The following IGFN1 variants were observed in gnomAD, a reference collection of about 807,000 sequenced individuals.
IGFN1 encodes the protein immunoglobulin-like and fibronectin type III domain-containing protein 1.
In IGFN1, 253 loss-of-function variants were observed where a neutral mutation model predicts 289.5. The observed-to-expected ratio is 0.87, with a 90% CI of 0.79 to 0.97. IGFN1 has a LOEUF of 0.97. Among genes scored for constraint, IGFN1 ranks in the 50% least tolerant of loss-of-function variants. The pLI, the probability that IGFN1 is intolerant of heterozygous loss-of-function variation, is 0.00. For synonymous variants in IGFN1, 1,706 were observed against 1,788.5 expected (o/e 0.95, Z 1.16); for missense variants, 4,470 against 4,686.1 (o/e 0.95, Z 1.35).
In IGFN1 at chr1:201,205,278, G is replaced by T. The variant is rs1278880499; in HGVS notation, c.1113G>T (p.Gly371=). The T allele has an allele frequency of 6.0e-5, 93 of 1,550,778 alleles. No individual in the cohort carries two copies. The highest frequency in any genetic ancestry group is 7.6e-5 in the Non-Finnish European group (87 of 1,146,938). Residue 371 remains glycine, a synonymous_variant, in exon 11 of 24, where the codon GGG becomes GGT. Transcript: ENST00000335211. ...DGLTHRLVVR[G]ARFSDMGPYS... ...TGACCCACCGGCTGGTGGTGAGGGG[G>T]GCACGTTTCTCAGACATGGGCCCCT...
At chr1:201,215,434 G>A (rs995828433) in intron 14 of IGFN1, 105 bp from the exon 15 acceptor site, 4 of 1,051,954 alleles carry the variant, frequency 3.8e-6, no homozygotes, top group South Asian at 1.6e-5. Context: ...GTGGGGCAGG[G>A]GATTCCTTAC....
Position 201,205,551 on chromosome 1 carries a change from C to T in IGFN1, c.1189+197C>T, listed in dbSNP as rs114767524. Among the ~76,000 whole-genome samples the T allele has an allele frequency of 9.8e-4, 149 of 152,262 alleles. 1 individual carries two copies. In the South Asian group the frequency reaches 0.016, roughly 16 times the overall value. The stretch of plus-strand genomic sequence containing the variant: ...CTCAGCTGTGCCTGCTCTACTGGGT[C>T]TCTTGGAATTACTTTGGGGCACAGA... On this transcript the variant is annotated intron_variant, in intron 11 of 23. Coordinates refer to ENST00000335211, the MANE Select transcript of IGFN1 (RefSeq NM_001164586.2).
chr1:201,202,316 A>T (rs1427606862), intron 9 of IGFN1, among the ~76,000 whole-genome samples: 1 of 152,160 alleles, frequency 6.6e-6, no homozygotes, highest in African/African-American at 2.4e-5. Context: ...CAGACAAGAT[A>T]CTTATCTTCC....
intron 1 of IGFN1, among the ~76,000 whole-genome samples, chr1:201,192,745 G>A (rs968319238): frequency 6.6e-6 from 1 of 152,166 alleles, no homozygotes; most frequent in East Asian, 1.9e-4. Context: ...TGGGGGAAGA[G>A]CCAGGAGGCC....
rs968138383 is a variant in IGFN1 at position 201,208,319 on chromosome 1, A to G, written c.3426A>G (p.Glu1142=). Residue 1142 remains glutamate (E), a synonymous_variant, in exon 12 of 24, where the codon GAA becomes GAG. Coordinates refer to ENST00000335211, the MANE Select transcript of IGFN1 (RefSeq NM_001164586.2). ...ALGAFGEGGY[E]DGSGGPGAMG... ...GGGCCTTTGGAGAAGGAGGCTATGAAGATGGCTCTGGGGGTCCAGGAGCCA... is the reference window on the plus strand; with the variant it reads ...GGGCCTTTGGAGAAGGAGGCTATGAGGATGGCTCTGGGGGTCCAGGAGCCA... 145 of 1,514,332 alleles carry G rather than the reference A, an allele frequency of 9.6e-5. No homozygotes were observed. The highest frequency in any genetic ancestry group is 1.3e-4 in the Non-Finnish European group (143 of 1,139,076). 93.8% of individuals were successfully genotyped at this position (1,514,332 alleles called of 1,614,324 possible).
Position 201,205,328 on chromosome 1 carries a change from C to T in IGFN1, c.1163C>T (p.Thr388Ile). Reference protein sequence around the residue: ...GPYSLGTGLYTSSAWLVVEAG... With the variant: ...GPYSLGTGLYISSAWLVVEAG... ...TATTCGCTGGGCACCGGGCTCTACA[C>T]TTCCAGCGCCTGGCTGGTGGTTGAA... Residue 388 changes from threonine (T) to isoleucine (I), a missense_variant, in exon 11 of 24, where the codon ACT becomes ATT. Physicochemically the swap from Thr to Ile is moderately conservative, Grantham distance 89. Coordinates refer to ENST00000335211, the MANE Select transcript of IGFN1 (RefSeq NM_001164586.2). 1.9e-6 allele frequency: 3 copies of T among 1,541,866 alleles called. No individual in the cohort carries two copies. The highest frequency in any genetic ancestry group is 2.6e-6 in the Non-Finnish European group (3 of 1,140,094).
chr1:201,215,803 G>A lies in IGFN1; in HGVS notation c.9260G>A (p.Gly3087Asp). ...AGCGTGACACTGAGGAGTGAGGGAG[G>A]CTCTGTGCAGGCCGAGCTCACTCTG... ...QYSVTLRSEG[G>D]SVQAELTLQV... The change falls in exon 15 of 24, where the codon GGC becomes GAC. Residue 3087 changes from glycine to aspartate, a missense_variant. This residue lies in a region of IGFN1 where 2,218 missense variants were observed against 2,114.1 expected (regional missense o/e 1.05). Transcript: ENST00000335211. 6.3e-7 allele frequency: 1 copy of A among 1,596,648 alleles called. No homozygotes were observed. Among genetic ancestry groups the A allele is most frequent in the South Asian group, 1.1e-5 (1 of 87,934 alleles).
In IGFN1 at chr1:201,211,597, G is replaced by A; in HGVS notation, c.6704G>A (p.Gly2235Asp). Residue 2235 changes from glycine to aspartate, a missense_variant, in exon 12 of 24, where the codon GGT becomes GAT. Gly to Asp is a moderately conservative substitution (Grantham distance 94). Around this residue, in one of 8 missense-constraint regions of IGFN1, gnomAD observed 2,218 missense variants for 2,114.1 expected, o/e 1.05. Transcript: ENST00000335211. ...GGGAGTAAGGCAGGTTTCAGGGATGGTTTAGGGAGTTCTGGGGAAATGGGG... is the reference window on the plus strand; with the variant it reads ...GGGAGTAAGGCAGGTTTCAGGGATGATTTAGGGAGTTCTGGGGAAATGGGG... Reference protein sequence around the residue: ...GSGSKAGFRDGLGSSGEMGSM... With the variant: ...GSGSKAGFRDDLGSSGEMGSM... 6.5e-7 allele frequency: 1 copy of A among 1,535,586 alleles called. No individual in the cohort carries two copies. Among genetic ancestry groups the A allele is most frequent in the Non-Finnish European group, 8.7e-7 (1 of 1,146,274 alleles).
intron 3 of IGFN1, 77 bp downstream of exon 3, chr1:201,194,350 C>A (rs1029659470): frequency 1.1e-5 from 17 of 1,501,108 alleles, no homozygotes; most frequent in East Asian, 2.5e-5. Context: ...GCTGGGGCAC[C>A]AACCTTCCTG....
rs1667458440 is a variant in IGFN1, at chr1:201,207,002, TGA to T, written c.2110_2111del (p.Asp704LeufsTer32). 3.3e-6 allele frequency: 5 copies of T among 1,536,292 alleles called. No individual in the cohort carries two copies. In the Admixed American group the frequency reaches 9.8e-5, roughly 30 times the overall value. On this transcript the variant is annotated frameshift_variant, in exon 12 of 24. Coordinates refer to ENST00000335211, the MANE Select transcript of IGFN1 (RefSeq NM_001164586.2). LOFTEE classifies it high-confidence loss of function. ...SWGSQGGRDA[D>X]YGEARGYWGS... is the part of the protein sequence containing the mutation. ...GGGGTTCTCAGGGAGGTAGAGATGC[TGA>T]CTATGGGGAAGCCAGGGGCTACTGG...
Position 201,214,204 on chromosome 1 carries a change from T to A in IGFN1, c.8756T>A (p.Leu2919Gln). The A allele has an allele frequency of 3.1e-6, 5 of 1,613,424 alleles. No individual in the cohort carries two copies. In the South Asian group the frequency reaches 5.5e-5, roughly 18 times the overall value. The change falls in exon 13 of 24, where the codon CTG (leucine) becomes CAG (glutamine). Residue 2919 changes from leucine (L) to glutamine (Q), a missense_variant. Around this residue, in one of 8 missense-constraint regions of IGFN1, gnomAD observed 2,218 missense variants for 2,114.1 expected, o/e 1.05. Transcript: ENST00000335211. Reference sequence around the variant, plus strand: ...CCCATGGGCCACTTCTCCCAGGGCCTGGCTGACATGGAAGTGCAGCCGGGG... The same window carrying A: ...CCCATGGGCCACTTCTCCCAGGGCCAGGCTGACATGGAAGTGCAGCCGGGG... ...QGPMGHFSQG[L>Q]ADMEVQPGEA...
chr1:201,217,804 C>T (rs555790782), intron 17 of IGFN1, among the ~76,000 whole-genome samples: 13 of 152,308 alleles, frequency 8.5e-5, no homozygotes, highest in African/African-American at 2.4e-4. Flanking sequence ...TCAGAAATCC[C>T]GGCTGAGAGC....
chr1:201,225,947 G>T lies in IGFN1; in HGVS notation c.10610G>T (p.Arg3537Leu). 1 of 1,596,458 alleles carries T rather than the reference G, an allele frequency of 6.3e-7. No individual in the cohort carries two copies. The highest frequency in any genetic ancestry group is 8.5e-7 in the Non-Finnish European group (1 of 1,171,360). ...DVPLHYAVFT[R>L]SSAHGPWHEA... is the part of the protein sequence containing the mutation. The stretch of plus-strand genomic sequence containing the variant: ...CCGCTGCACTACGCGGTGTTCACAC[G>T]CTCCTCAGCGCACGGTCCCTGGCAC... Residue 3537 changes from arginine to leucine, a missense_variant, in exon 22 of 24, where the codon CGC becomes CTC. By Grantham distance (102) the Arg-to-Leu change is moderately radical (BLOSUM62 -2). Transcript: ENST00000335211.
chr1:201,214,141 C>T lies in IGFN1; in HGVS notation c.8729-36C>T, dbSNP rs139450898. 8,743 of 1,564,660 alleles carry T rather than the reference C, an allele frequency of 5.6e-3. 43 individuals are homozygous for T. Among genetic ancestry groups the T allele is most frequent in the Non-Finnish European group, 6.8e-3 (7,795 of 1,154,106 alleles). ...GCACAGCGCAGGCCATGGCCTGGGG[C>T]GCTCGGCCCTGGGGATTCCCTCTGT... On this transcript the variant is annotated intron_variant, in intron 12 of 23. Coordinates refer to ENST00000335211, the MANE Select transcript of IGFN1 (RefSeq NM_001164586.2).
In IGFN1 at chr1:201,208,137, G is replaced by A; in HGVS notation, c.3244G>A (p.Val1082Met). The A allele has an allele frequency of 2.0e-6, 3 of 1,537,012 alleles. No homozygotes were observed. Among genetic ancestry groups the A allele is most frequent in the Non-Finnish European group, 2.6e-6 (3 of 1,146,842 alleles). Residue 1082 changes from valine (V) to methionine (M), a missense_variant, in exon 12 of 24, where the codon GTG becomes ATG. By Grantham distance (21) the Val-to-Met change is conservative. Coordinates refer to ENST00000335211, the MANE Select transcript of IGFN1 (RefSeq NM_001164586.2). Reference sequence around the variant, plus strand: ...AGATGGTGGCCTAGGGAGTCCTGGGGTGACAGGGTCTGCGGGTAGAGGTGG... The same window carrying A: ...AGATGGTGGCCTAGGGAGTCCTGGGATGACAGGGTCTGCGGGTAGAGGTGG... ...HSDGGLGSPG[V>M]TGSAGRGGLK...
Position 201,215,777 on chromosome 1 carries a change from C to T in IGFN1, c.9234C>T (p.Tyr3078=). 1 of 1,601,388 alleles carries T rather than the reference C, an allele frequency of 6.2e-7. No homozygotes were observed. The highest frequency in any genetic ancestry group is 1.1e-5 in the South Asian group (1 of 89,066). Residue 3078 remains tyrosine (Y), a synonymous_variant, in exon 15 of 24, where the codon TAC becomes TAT. Transcript: ENST00000335211. ...PSAGRKDCGQ[Y]SVTLRSEGGS... ...CAGGCAGGAAGGACTGTGGCCAGTA[C>T]AGCGTGACACTGAGGAGTGAGGGAG...
intron 4 of IGFN1, among the ~76,000 whole-genome samples, chr1:201,196,444 A>G (rs1666920821): frequency 6.6e-6 from 1 of 152,218 alleles, no homozygotes; most frequent in Non-Finnish European, 1.5e-5. Flanking sequence ...TCCCAGGTTC[A>G]AGCGATTCTC....
chr1:201,206,799 G>A lies in IGFN1; in HGVS notation c.1906G>A (p.Ala636Thr). The A allele has an allele frequency of 2.0e-6, 3 of 1,536,986 alleles. No individual in the cohort carries two copies. The South Asian group carries it at 3.6e-5, about 18-fold the overall frequency. Residue 636 changes from alanine (A) to threonine (T), a missense_variant, in exon 12 of 24, where the codon GCT becomes ACT. By Grantham distance (58) the Ala-to-Thr change is moderately conservative. This residue lies in a region of IGFN1 where 2,011 missense variants were observed against 1,953.4 expected (regional missense o/e 1.03). Coordinates refer to ENST00000335211, the MANE Select transcript of IGFN1 (RefSeq NM_001164586.2). Reference protein sequence around the residue: ...QIEISQDDSLAEMDRGDAPSR... With the variant: ...QIEISQDDSLTEMDRGDAPSR... ...AGAGATTTCACAGGATGACAGCCTG[G>A]CTGAGATGGACAGAGGGGATGCTCC...
At chr1:201,215,874 A>G in intron 15 of IGFN1, 36 bp downstream of exon 15, 1 of 1,595,688 alleles carries the variant, frequency 6.3e-7, no homozygotes, top group Non-Finnish European at 8.5e-7. Flanking sequence ...AAGGCCTGAG[A>G]GTCCCTGGGG....
Sources: gnomAD v4.1 joint callset for allele counts (sites outside exome capture counted in the v4.1 genomes callset) on GRCh38, gnomAD v4.1.1 for gene constraint, gnomAD v4.1.1 regional missense constraint, MANE v1.5 for transcripts, NCBI Gene and HGNC (gene_info 2026-07-23, HGNC 2026-07-21) for gene names.